NTAQ1: variants seen among roughly 807,000 people sequenced by gnomAD.
The protein encoded by NTAQ1 is protein N-terminal glutamine amidohydrolase.
A neutral mutation model predicts 28.2 loss-of-function variants in NTAQ1; 21 were observed. That is an observed-to-expected ratio of 0.74 (90% CI 0.53 to 1.07). NTAQ1 has a LOEUF of 1.07. Ranked by LOEUF, NTAQ1 falls within the 50% of genes least tolerant of loss-of-function variation. The pLI, the probability that NTAQ1 is intolerant of heterozygous loss-of-function variation, is 0.00. For missense variants in NTAQ1, 264 were observed against 256.6 expected, an observed-to-expected ratio of 1.03 and a Z score of -0.20; for synonymous variants, 105 against 90.0, an observed-to-expected ratio of 1.17 and a Z score of -0.94.
intron 1 of NTAQ1, among the ~76,000 whole-genome samples, chr8:123,426,675 C>G (rs983759033): frequency 1.3e-5 from 2 of 151,918 alleles, no homozygotes; most frequent in African/African-American, 4.8e-5. Context: ...TAAAAATAAG[C>G]ATAGGCTGGG....
At chr8:123,435,092 T>C (rs16898289) in intron 3 of NTAQ1, among the ~76,000 whole-genome samples, 2,827 of 152,318 alleles carry the variant, frequency 0.019, 98 homozygotes, top group African/African-American at 0.064. Context: ...TATAAGTTGG[T>C]ATTACTAATG....
At chr8:123,439,029 G>A (rs559460909) in intron 5 of NTAQ1, among the ~76,000 whole-genome samples, 8 of 152,288 alleles carry the variant, frequency 5.3e-5, no homozygotes, top group South Asian at 2.1e-4. Context: ...CTAGTGCATC[G>A]CAGGCATTTA....
At chr8:123,431,065 C>T (rs745657134) in intron 3 of NTAQ1, among the ~76,000 whole-genome samples, 3 of 152,120 alleles carry the variant, frequency 2.0e-5, no homozygotes, top group Non-Finnish European at 2.9e-5. Flanking sequence ...GGGTTGGGCA[C>T]GGTGGCTCAT....
chr8:123,460,323 A>G (rs895899080), intron 6 of NTAQ1, among the ~76,000 whole-genome samples: 4 of 152,224 alleles, frequency 2.6e-5, no homozygotes, highest in African/African-American at 7.2e-5. Flanking sequence ...AGATGAAGAA[A>G]TGGGAGTGGG....
At chr8:123,440,934 G>A (rs1815027832) in intron 5 of NTAQ1, among the ~76,000 whole-genome samples, 1 of 152,130 alleles carries the variant, frequency 6.6e-6, no homozygotes, top group Non-Finnish European at 1.5e-5. Context: ...TTCTAGCCCT[G>A]TGGAAGTTCT....
intron 1 of NTAQ1, among the ~76,000 whole-genome samples, chr8:123,426,587 G>A (rs983861612): frequency 1.3e-5 from 2 of 152,222 alleles, no homozygotes; most frequent in Non-Finnish European, 2.9e-5. Flanking sequence ...GCTGAGGCTG[G>A]GAGTTTGAGG....
At chr8:123,428,365 T>A (rs932701422) in intron 2 of NTAQ1, among the ~76,000 whole-genome samples, 4 of 151,902 alleles carry the variant, frequency 2.6e-5, no homozygotes, top group Non-Finnish European at 5.9e-5. Context: ...CCCAGCTAAT[T>A]TTTGTATTTT....
At chr8:123,472,101 T>A (rs1252320789), downstream of NTAQ1, among the ~76,000 whole-genome samples, 1 of 152,158 alleles carries the variant, frequency 6.6e-6, no homozygotes, top group Non-Finnish European at 1.5e-5. Context: ...AGAGGCTATT[T>A]TCCAGGATTT....
At chr8:123,433,183 T>C (rs927416659) in intron 3 of NTAQ1, among the ~76,000 whole-genome samples, 6 of 152,204 alleles carry the variant, frequency 3.9e-5, no homozygotes, top group Admixed American at 1.3e-4. Flanking sequence ...CCTTGGCTCC[T>C]CATCTGTGCC....
chr8:123,440,502 CTT>C (rs554416057), intron 5 of NTAQ1, among the ~76,000 whole-genome samples: 57 of 123,800 alleles, frequency 4.6e-4, no homozygotes, highest in Admixed American at 5.0e-4. Flanking sequence ...TTCCTTTCTT[CTT>C]TTTTTTTTTT....
In NTAQ1 at chr8:123,419,081, GTTTTTTTTTTTTTTTTTTT is replaced by G. The variant is rs762479894; in HGVS notation, c.83+2166_83+2184del. Among the ~76,000 whole-genome samples the G allele has an allele frequency of 2.8e-4, 34 of 119,914 alleles. 2 individuals carry two copies. The highest frequency in any genetic ancestry group is 4.5e-3 in the Middle Eastern group (1 of 220). The allele number at this position is 119,914 out of a possible 152,430, so 78.7% of individuals were successfully genotyped here. A position where few individuals can be genotyped will look rare whatever the true frequency, so the allele number is the denominator to read the frequency against. On this transcript the variant is annotated intron_variant, in intron 1 of 5. Transcript: ENST00000287387. ...TACTTTGGCTCCTGCAGCTTTGGGG[GTTTTTTTTTTTTTTTTTTT>G]TTTTTTTTTTTTTTTTGAGACAGAG...
chr8:123,474,739 T>C (rs1192982788), downstream of NTAQ1, among the ~76,000 whole-genome samples: 4 of 152,144 alleles, frequency 2.6e-5, no homozygotes, highest in Admixed American at 2.0e-4. Context: ...ACCTTGTCTC[T>C]ACCAAAAAGT....
chr8:123,473,074 T>TA (rs138579645), downstream of NTAQ1, among the ~76,000 whole-genome samples: 2,626 of 152,258 alleles, frequency 0.017, 70 homozygotes, highest in African/African-American at 0.059. Flanking sequence ...CCTTGAGAGT[T>TA]AGTTTACTTT....
chr8:123,475,034 CT>C, the NTAQ1 span, among the ~76,000 whole-genome samples: 1 of 152,304 alleles, frequency 6.6e-6, no homozygotes, highest in East Asian at 1.9e-4. Context: ...TTCATTTCTT[CT>C]CTATTAATAG....
At chr8:123,466,712 T>A (rs1815968534) in intron 6 of NTAQ1, among the ~76,000 whole-genome samples, 1 of 152,184 alleles carries the variant, frequency 6.6e-6, no homozygotes, top group African/African-American at 2.4e-5. Flanking sequence ...TGAGATCTTG[T>A]TTTCAGTTCT....
At chr8:123,436,169 CAAA>C (rs34240319) in intron 3 of NTAQ1, among the ~76,000 whole-genome samples, 36 of 85,938 alleles carry the variant, frequency 4.2e-4, no homozygotes, top group East Asian at 7.2e-4. Flanking sequence ...GACTCCATCT[CAAA>C]AAAAAAAAAA....
downstream of NTAQ1, among the ~76,000 whole-genome samples, chr8:123,449,734 A>G (rs56286987): frequency 0.36 from 53,970 of 149,652 alleles, 9,858 homozygotes; most frequent in East Asian, 0.56. Context: ...TGCCAGTTGG[A>G]TGTCTAACAG....
At chr8:123,432,369 G>T (rs917509120) in intron 3 of NTAQ1, among the ~76,000 whole-genome samples, 1 of 152,080 alleles carries the variant, frequency 6.6e-6, no homozygotes, top group Non-Finnish European at 1.5e-5. Context: ...GTTGGGCGTG[G>T]TGGCTCACAC....
chr8:123,443,950 C>T (rs1055155025), downstream of NTAQ1, among the ~76,000 whole-genome samples: 3 of 152,090 alleles, frequency 2.0e-5, no homozygotes, highest in Admixed American at 6.6e-5. Flanking sequence ...TCATTTTTAA[C>T]TGAAAGATAG....
Sources: gnomAD v4.1 joint callset for allele counts (sites outside exome capture counted in the v4.1 genomes callset) on GRCh38, gnomAD v4.1.1 for gene constraint, MANE v1.5 for transcripts, NCBI Gene and HGNC (gene_info 2026-07-23, HGNC 2026-07-21) for gene names.